SUGCT: variants seen among roughly 807,000 people sequenced by gnomAD.
SUGCT encodes succinyl-CoA:glutarate-CoA transferase.
In SUGCT, 41 loss-of-function variants were observed where a neutral mutation model predicts 55.0. The ratio of observed to expected loss-of-function variants is 0.74; its 90% CI spans 0.58 to 0.97. The LOEUF (loss-of-function observed/expected upper bound fraction) is 0.97. SUGCT is among the 50% of genes least tolerant of loss of function. SUGCT has a pLI of 0.00. For synonymous variants in SUGCT, 187 were observed against 200.4 expected, an observed-to-expected ratio of 0.93 and a Z score of 0.56; for missense variants, 568 against 547.8, an observed-to-expected ratio of 1.04 and a Z score of -0.37.
intron 9 of SUGCT, among the ~76,000 whole-genome samples, chr7:40,415,643 T>C (rs1786960219): frequency 6.6e-6 from 1 of 152,094 alleles, no homozygotes; most frequent in Non-Finnish European, 1.5e-5. Context: ...TTTACTTATT[T>C]TCACATTTGT....
At chr7:40,481,345 G>T (rs775217038) in intron 11 of SUGCT, among the ~76,000 whole-genome samples, 2 of 150,642 alleles carry the variant, frequency 1.3e-5, no homozygotes, top group Admixed American at 6.6e-5. Flanking sequence ...CTCAAGAAAA[G>T]ATATATATAT....
At chr7:40,367,526 G>A (rs1784058445) in intron 9 of SUGCT, among the ~76,000 whole-genome samples, 1 of 151,724 alleles carries the variant, frequency 6.6e-6, no homozygotes, top group South Asian at 2.1e-4. Flanking sequence ...CAACACCTGT[G>A]CCCCTCAAAA....
chr7:40,904,611 T>C, the SUGCT span, among the ~76,000 whole-genome samples: 1 of 152,104 alleles, frequency 6.6e-6, no homozygotes, highest in African/African-American at 2.4e-5. Flanking sequence ...GAAAATCTTC[T>C]GGAGATGGAT....
chr7:40,602,990 A>T (rs1196441945), intron 12 of SUGCT, among the ~76,000 whole-genome samples: 1 of 152,204 alleles, frequency 6.6e-6, no homozygotes, highest in African/African-American at 2.4e-5. Flanking sequence ...AGGAGCTGGC[A>T]TAGTAATTCT....
At chr7:40,705,651 C>G (rs571036233) in intron 12 of SUGCT, among the ~76,000 whole-genome samples, 3 of 152,304 alleles carry the variant, frequency 2.0e-5, no homozygotes, top group East Asian at 1.9e-4. Context: ...AAATTTGGGT[C>G]ATGCCAGAAG....
At chr7:40,625,343 A>G (rs148169500) in intron 12 of SUGCT, among the ~76,000 whole-genome samples, 1 of 152,214 alleles carries the variant, frequency 6.6e-6, no homozygotes, top group Non-Finnish European at 1.5e-5. Context: ...GAAGGTTTAT[A>G]TCCCAGCAAA....
At chr7:40,195,708 C>CTTTTTTTTTTTT (rs928397687) in intron 6 of SUGCT, among the ~76,000 whole-genome samples, 1 of 69,404 alleles carries the variant, frequency 1.4e-5, no homozygotes, top group Admixed American at 2.3e-4. Flanking sequence ...GAAAACAATT[C>CTTTTTTTTTTTT]TTTTTTTTTT....
At chr7:40,754,706 C>T (rs1373974793) in intron 13 of SUGCT, among the ~76,000 whole-genome samples, 1 of 152,190 alleles carries the variant, frequency 6.6e-6, no homozygotes, top group Non-Finnish European at 1.5e-5. Flanking sequence ...GTATGCTTCA[C>T]TTTCAGTGTG....
At chr7:40,766,224 A>T (rs1448054013) in intron 13 of SUGCT, among the ~76,000 whole-genome samples, 2 of 152,070 alleles carry the variant, frequency 1.3e-5, no homozygotes, top group Non-Finnish European at 2.9e-5. Context: ...TTATTTATCT[A>T]TTTAGAGACA....
rs57941896 is a variant in SUGCT, at chr7:40,272,543, A to G, written c.577-1970A>G. Among the ~76,000 whole-genome samples, 941 of 151,824 alleles carry G rather than the reference A, an allele frequency of 6.2e-3. 7 individuals are homozygous for G. The highest frequency in any genetic ancestry group is 0.021 in the African/African-American group (887 of 41,444). On this transcript the variant is annotated intron_variant, in intron 7 of 13. Transcript: ENST00000335693. ...TTATTCCATATTTCCGCTGTTGTCA[A>G]TAGTGCTGCAGTAACCATGGGAGTG...
intron 12 of SUGCT, among the ~76,000 whole-genome samples, chr7:40,618,514 A>G (rs1799115660): frequency 6.6e-6 from 1 of 152,214 alleles, no homozygotes; most frequent in South Asian, 2.1e-4. Flanking sequence ...ACTTGAAAGG[A>G]GATATTCAGG....
the SUGCT span, among the ~76,000 whole-genome samples, chr7:41,009,624 A>G: frequency 1.3e-5 from 2 of 149,410 alleles, no homozygotes; most frequent in South Asian, 4.2e-4. Context: ...TCCATCCACC[A>G]TCCACCCTTC....
chr7:40,201,620 A>C (rs997418204), intron 6 of SUGCT, among the ~76,000 whole-genome samples: 2 of 152,206 alleles, frequency 1.3e-5, no homozygotes, highest in Admixed American at 6.5e-5. Context: ...TTAAAGAAAT[A>C]ATGACACCAT....
chr7:40,654,652 C>A, intron 12 of SUGCT, among the ~76,000 whole-genome samples: 1 of 152,286 alleles, frequency 6.6e-6, no homozygotes, highest in East Asian at 1.9e-4. Flanking sequence ...CACACAAAGA[C>A]CCAAACCAAG....
chr7:40,448,945 TG>T, intron 9 of SUGCT, among the ~76,000 whole-genome samples: 1 of 147,898 alleles, frequency 6.8e-6, no homozygotes, highest in African/African-American at 2.6e-5. Flanking sequence ...TGTGTGTGTG[TG>T]TGTGTATATA....
At position 40,135,020 on chromosome 7, in the gene SUGCT, G is replaced by A. The variant is rs1262957499; in HGVS notation, c.-1G>A. ...GACCGATGCCATCTGAGACGCACGC[G>A]ATGCTGGCGACGCTGGCGAGGGTGG... On this transcript the variant is annotated 5_prime_UTR_variant, in exon 1 of 14. Transcript: ENST00000335693. 2 of 1,560,210 alleles carry A rather than the reference G, an allele frequency of 1.3e-6. No homozygotes were observed. The highest frequency in any genetic ancestry group is 1.4e-5 in the African/African-American group (1 of 73,018).
intron 1 of SUGCT, chr7:40,141,824 C>G (rs1429007569): frequency 4.9e-6 from 2 of 407,046 alleles, no homozygotes; most frequent in Non-Finnish European, 5.0e-6. Flanking sequence ...TAATTCTCAG[C>G]AAGGCAATGT....
At chr7:40,986,134 G>A in the SUGCT span, among the ~76,000 whole-genome samples, 26 of 152,276 alleles carry the variant, frequency 1.7e-4, 1 homozygote, top group East Asian at 3.1e-3. Context: ...CTCAGTTATG[G>A]TGAGTTAATA....
Position 40,218,454 on chromosome 7 carries a change from G to A in SUGCT, c.485-19181G>A, listed in dbSNP as rs113396174. On this transcript the variant is annotated intron_variant, in intron 6 of 13. Transcript: ENST00000335693. Reference sequence around the variant, plus strand: ...TTAGGTGACATTGTCTCTTTGGGACGTTGTTGAGCGGTGAAGCCAGCTGGG... The same window carrying A: ...TTAGGTGACATTGTCTCTTTGGGACATTGTTGAGCGGTGAAGCCAGCTGGG... Among the ~76,000 whole-genome samples the A allele has an allele frequency of 2.9e-3, 439 of 152,318 alleles. 2 individuals carry two copies. The highest frequency in any genetic ancestry group is 9.9e-3 in the African/African-American group (411 of 41,578).
Sources: allele counts gnomAD v4.1 joint callset (sites outside exome capture counted in the v4.1 genomes callset), GRCh38; gene constraint gnomAD v4.1.1; transcripts MANE v1.5; gene names NCBI Gene and HGNC (gene_info 2026-07-23, HGNC 2026-07-21).